Variants in RUNDC3B observed in about 807,000 individuals in gnomAD.
RUNDC3B encodes RUN domain containing 3B.
RUNDC3B carries 33 observed loss-of-function variants against 58.4 expected under a neutral mutation model. That is an observed-to-expected ratio of 0.56 (90% CI 0.43 to 0.75). The LOEUF is 0.75. RUNDC3B is among the 30% of genes least tolerant of loss of function. The pLI is 0.00. For missense variants in RUNDC3B, 501 were observed against 535.7 expected (o/e 0.94, Z 0.64); for synonymous variants, 193 against 195.2 (o/e 0.99, Z 0.10).
chr7:87,795,757 C>T (rs181617236), intron 8 of RUNDC3B, among the ~76,000 whole-genome samples: 17 of 149,928 alleles, frequency 1.1e-4, no homozygotes, highest in South Asian at 4.2e-4. Flanking sequence ...GGCATGGTGG[C>T]GGACGCCTGT....
chr7:87,814,821 A>G (rs1054088252), intron 9 of RUNDC3B, among the ~76,000 whole-genome samples: 2 of 152,180 alleles, frequency 1.3e-5, no homozygotes, highest in Admixed American at 1.3e-4. Context: ...ATAAAGTGAG[A>G]ACACTGTATT....
chr7:87,772,171 T>C (rs1443027184), intron 7 of RUNDC3B, among the ~76,000 whole-genome samples: 2 of 152,076 alleles, frequency 1.3e-5, no homozygotes, highest in Non-Finnish European at 2.9e-5. Context: ...TGAGCAGTTA[T>C]TACCTTTTTG....
chr7:87,638,345 T>TTGTGTGTGTGTGTGTGTGTG (rs71524692), intron 1 of RUNDC3B, among the ~76,000 whole-genome samples: 11 of 144,786 alleles, frequency 7.6e-5, no homozygotes, highest in African/African-American at 2.5e-4. Context: ...AAGTATGTGT[T>TTGTGTGTGTGTGTGTGTGTG]TGTGTGTGTG....
chr7:87,721,134 T>G (rs1374230847), intron 4 of RUNDC3B, among the ~76,000 whole-genome samples: 1 of 150,888 alleles, frequency 6.6e-6, no homozygotes, highest in Non-Finnish European at 1.5e-5. Context: ...TAGAGTATGA[T>G]TATATTATAA....
At chr7:87,759,258 C>T (rs545523735) in intron 6 of RUNDC3B, among the ~76,000 whole-genome samples, 9 of 151,892 alleles carry the variant, frequency 5.9e-5, no homozygotes, top group East Asian at 3.9e-4. Context: ...TATTCTCATA[C>T]GAGGGAGCTA....
At chr7:87,658,715 G>A (rs1240854183) in intron 2 of RUNDC3B, among the ~76,000 whole-genome samples, 2 of 152,084 alleles carry the variant, frequency 1.3e-5, no homozygotes, top group African/African-American at 4.8e-5. Flanking sequence ...AGGAGGAAGT[G>A]GTAAAACATA....
intron 6 of RUNDC3B, among the ~76,000 whole-genome samples, chr7:87,748,308 A>C (rs1280518026): frequency 6.6e-6 from 1 of 152,076 alleles, no homozygotes; most frequent in East Asian, 1.9e-4. Context: ...CCACTTCCGC[A>C]GTTGGGGCAC....
At chr7:87,724,018 T>G (rs977591888) in intron 4 of RUNDC3B, among the ~76,000 whole-genome samples, 3 of 152,134 alleles carry the variant, frequency 2.0e-5, no homozygotes, top group Admixed American at 6.6e-5. Flanking sequence ...GCCCAGGAGT[T>G]GGAGACCAGC....
chr7:87,822,782 G>A (rs1015104479), intron 10 of RUNDC3B, among the ~76,000 whole-genome samples: 14 of 152,096 alleles, frequency 9.2e-5, no homozygotes, highest in Middle Eastern at 3.4e-3. Flanking sequence ...GCAAACTATC[G>A]CAAGGACAAA....
intron 3 of RUNDC3B, among the ~76,000 whole-genome samples, chr7:87,706,617 G>C (rs1829612550): frequency 6.6e-6 from 1 of 152,196 alleles, no homozygotes; most frequent in Non-Finnish European, 1.5e-5. Flanking sequence ...TATTACACGA[G>C]CTGAGCCGCA....
intron 8 of RUNDC3B, among the ~76,000 whole-genome samples, chr7:87,798,425 GT>G (rs1449984924): frequency 6.6e-6 from 1 of 152,148 alleles, no homozygotes; most frequent in Admixed American, 6.5e-5. Flanking sequence ...TAGTAGAAAT[GT>G]TTTTATTGTG....
chr7:87,832,110 T>C lies in RUNDC3B; in HGVS notation c.*2080T>C, dbSNP rs1838157642. On this transcript the variant is annotated 3_prime_UTR_variant, in exon 11 of 11. Coordinates refer to ENST00000394654, the MANE Select transcript of RUNDC3B (RefSeq NM_001134405.2). The stretch of plus-strand genomic sequence containing the variant: ...AGAGTTCGTTTCACACTAAAGGTAG[T>C]TTGTTACTGTTTGCATGAGGAAACC... 1 of 151,914 alleles carries C rather than the reference T, an allele frequency of 6.6e-6. No individual in the cohort carries two copies. Among genetic ancestry groups the C allele is most frequent in the Non-Finnish European group, 1.5e-5 (1 of 67,868 alleles). 9.4% of individuals were successfully genotyped at this position (151,914 alleles called of 1,614,324 possible).
chr7:87,696,194 A>G (rs995942163), intron 2 of RUNDC3B, among the ~76,000 whole-genome samples: 4 of 152,192 alleles, frequency 2.6e-5, no homozygotes, highest in Non-Finnish European at 5.9e-5. Flanking sequence ...TAATGACAGC[A>G]TATCTCATCT....
At chr7:87,807,084 A>G (rs1185673777) in intron 8 of RUNDC3B, among the ~76,000 whole-genome samples, 1 of 152,172 alleles carries the variant, frequency 6.6e-6, no homozygotes, top group Non-Finnish European at 1.5e-5. Flanking sequence ...TAATTAAGAT[A>G]TAAAATGCTA....
At chr7:87,718,977 A>G (rs1303471102) in intron 4 of RUNDC3B, among the ~76,000 whole-genome samples, 1 of 152,064 alleles carries the variant, frequency 6.6e-6, no homozygotes, top group Non-Finnish European at 1.5e-5. Context: ...ATTCAGTAAT[A>G]AAACTAAATT....
Position 87,712,834 on chromosome 7 carries a change from G to T in RUNDC3B, c.458+2179G>T, listed in dbSNP as rs28381717. Among the ~76,000 whole-genome samples, 216 of 152,088 alleles carry T rather than the reference G, an allele frequency of 1.4e-3. 5 individuals carry two copies. The highest frequency in any genetic ancestry group is 9.0e-3 in the Admixed American group (137 of 15,270). ...GTCATATATATGTATCTGATACATAGATATATGCACACATACATATAATAT... is the reference window on the plus strand; with the variant it reads ...GTCATATATATGTATCTGATACATATATATATGCACACATACATATAATAT... On this transcript the variant is annotated intron_variant, in intron 4 of 10. Coordinates refer to ENST00000394654, the MANE Select transcript of RUNDC3B (RefSeq NM_001134405.2).
intron 2 of RUNDC3B, among the ~76,000 whole-genome samples, chr7:87,681,496 G>A (rs183054505): frequency 2.0e-5 from 3 of 150,782 alleles, no homozygotes. Context: ...ATTAAAAGTT[G>A]TATTTACACT....
At chr7:87,650,240 C>G (rs1343450381) in intron 1 of RUNDC3B, among the ~76,000 whole-genome samples, 1 of 152,098 alleles carries the variant, frequency 6.6e-6, no homozygotes, top group Non-Finnish European at 1.5e-5. Context: ...ATTTCTGAGT[C>G]TTAGTTTTTT....
intron 1 of RUNDC3B, among the ~76,000 whole-genome samples, chr7:87,638,166 T>C (rs1296428646): frequency 6.6e-6 from 1 of 152,146 alleles, no homozygotes. Context: ...AAAAAAACAA[T>C]CAGTTGTGAT....
Sources: gnomAD v4.1 joint callset for allele counts (sites outside exome capture counted in the v4.1 genomes callset) on GRCh38, gnomAD v4.1.1 for gene constraint, MANE v1.5 for transcripts, NCBI Gene and HGNC (gene_info 2026-07-23, HGNC 2026-07-21) for gene names.